Variants in TENM1 observed in about 807,000 individuals in gnomAD.
TENM1 encodes the protein teneurin transmembrane protein 1.
A neutral mutation model predicts 174.8 loss-of-function variants in TENM1; 35 were observed. The ratio of observed to expected loss-of-function variants is 0.20; its 90% CI spans 0.15 to 0.27. TENM1 has a LOEUF of 0.27. TENM1 is among the 10% of genes least tolerant of loss of function. TENM1 has a pLI of 1.00. For synonymous variants in TENM1, 781 were observed against 798.7 expected, an observed-to-expected ratio of 0.98 and a Z score of 0.37; for missense variants, 1,633 against 2,130.1, an observed-to-expected ratio of 0.77 and a Z score of 4.59.
chrX:125,155,912 T>G, the TENM1 span, among the ~76,000 whole-genome samples: 4 of 112,314 alleles, frequency 3.6e-5, no homozygotes, highest in Non-Finnish European at 7.5e-5. Context: ...GCCCCCACAG[T>G]GCAGCGGCGG....
chrX:124,926,871 T>C (rs1399961106), intron 1 of TENM1, among the ~76,000 whole-genome samples: 1 of 112,233 alleles, frequency 8.9e-6, no homozygotes, highest in Non-Finnish European at 1.9e-5. Flanking sequence ...CTTGGGATTA[T>C]AGAAAATACA....
chrX:124,423,898 A>G (rs2060682184), intron 23 of TENM1, among the ~76,000 whole-genome samples: 1 of 111,675 alleles, frequency 9.0e-6, no homozygotes, highest in African/African-American at 3.3e-5. Context: ...AGGGCCTTCA[A>G]AGAGGTAGTT....
At chrX:124,569,444 A>C (rs751626371) in intron 11 of TENM1, among the ~76,000 whole-genome samples, 2 of 112,053 alleles carry the variant, frequency 1.8e-5, no homozygotes, top group Non-Finnish European at 3.8e-5. Flanking sequence ...ATAAATGACT[A>C]CAAAATACAC....
chrX:124,705,652 T>A lies in TENM1; in HGVS notation c.777-401A>T, dbSNP rs181282316. Among the ~76,000 whole-genome samples the A allele has an allele frequency of 2.7e-4, 30 of 111,726 alleles. 1 individual carries two copies. The highest frequency in any genetic ancestry group is 2.5e-3 in the Admixed American group (26 of 10,525). On this transcript the variant is annotated intron_variant, in intron 4 of 31. Coordinates refer to ENST00000422452, the Ensembl canonical transcript of TENM1. Reference sequence around the variant, plus strand: ...GCCTAGACACCAGTGTTTGAGATTATCCTCACTACCAAACTTTAGAGACTA... The same window carrying A: ...GCCTAGACACCAGTGTTTGAGATTAACCTCACTACCAAACTTTAGAGACTA...
intron 3 of TENM1, among the ~76,000 whole-genome samples, chrX:124,802,505 TG>T (rs1450642679): frequency 9.0e-6 from 1 of 111,137 alleles, no homozygotes; most frequent in Non-Finnish European, 1.9e-5. Flanking sequence ...TCTCTGACCT[TG>T]GGGGGCACCA....
At chrX:124,407,044 T>C (rs1373789145) in intron 25 of TENM1, among the ~76,000 whole-genome samples, 2 of 111,947 alleles carry the variant, frequency 1.8e-5, no homozygotes, top group East Asian at 5.6e-4. Flanking sequence ...ACATGTTCAT[T>C]AAAACATTCT....
intron 3 of TENM1, among the ~76,000 whole-genome samples, chrX:124,797,881 G>C (rs751946142): frequency 1.0e-4 from 11 of 110,128 alleles, no homozygotes; most frequent in Non-Finnish European, 1.9e-4. Context: ...GGTGTGTGTT[G>C]TTTCCCTCCC....
chrX:124,515,575 G>A, intron 18 of TENM1, among the ~76,000 whole-genome samples: 1 of 110,259 alleles, frequency 9.1e-6, no homozygotes, highest in African/African-American at 3.3e-5. Context: ...GCCAAATCAG[G>A]AACACACTTC....
chrX:124,703,982 ATTTAC>A (rs1025225979), intron 5 of TENM1, among the ~76,000 whole-genome samples: 2 of 112,319 alleles, frequency 1.8e-5, no homozygotes, highest in Admixed American at 1.9e-4. Flanking sequence ...ATAGCCGTTT[ATTTAC>A]TTACCATCCA....
the TENM1 span, among the ~76,000 whole-genome samples, chrX:124,971,767 TA>T: frequency 8.9e-6 from 1 of 112,142 alleles, no homozygotes; most frequent in African/African-American, 3.2e-5. Flanking sequence ...CTTTGAGTAT[TA>T]TTTTTAATGT....
At chrX:124,622,824 C>T (rs182549303) in intron 11 of TENM1, among the ~76,000 whole-genome samples, 161 of 111,483 alleles carry the variant, frequency 1.4e-3, no homozygotes, top group Non-Finnish European at 2.8e-3. Flanking sequence ...AGTGCACATA[C>T]CAATTTACAA....
At chrX:125,101,794 T>C in the TENM1 span, among the ~76,000 whole-genome samples, 18 of 112,084 alleles carry the variant, frequency 1.6e-4, no homozygotes, top group Middle Eastern at 4.6e-3. Flanking sequence ...CTAGAATCTT[T>C]TATGTCACAA....
intron 14 of TENM1, among the ~76,000 whole-genome samples, chrX:124,554,118 A>T (rs1174757069): frequency 2.7e-5 from 3 of 111,610 alleles, no homozygotes; most frequent in Non-Finnish European, 3.8e-5. Context: ...TCCCCCCCAA[A>T]AAATGAACAT....
chrX:124,849,513 G>T (rs970929203), intron 3 of TENM1, among the ~76,000 whole-genome samples: 22 of 103,021 alleles, frequency 2.1e-4, no homozygotes, highest in Non-Finnish European at 3.0e-4. Context: ...AAAAACTGGA[G>T]AACAGTCTCT....
Position 124,870,935 on chromosome X carries a change from T to C in TENM1, c.535+23361A>G, listed in dbSNP as rs1198755811. ...TTCAATACATGCATATTTTATATAA[T>C]GATCAAATCAGGATAGTTGGCATGT... On this transcript the variant is annotated intron_variant, in intron 3 of 31. Coordinates refer to ENST00000422452, the Ensembl canonical transcript of TENM1. Among the ~76,000 whole-genome samples the C allele has an allele frequency of 2.7e-5, 3 of 111,963 alleles. No homozygotes were observed. In the Admixed American group the frequency reaches 2.8e-4, roughly 11 times the overall value.
chrX:124,861,093 T>C (rs1464196854), intron 3 of TENM1, among the ~76,000 whole-genome samples: 1 of 112,167 alleles, frequency 8.9e-6, no homozygotes, highest in Non-Finnish European at 1.9e-5. Context: ...ATGCAAGTTA[T>C]ACAAATGAGC....
chrX:124,491,805 T>A (rs915500545), intron 20 of TENM1, among the ~76,000 whole-genome samples: 1 of 111,582 alleles, frequency 9.0e-6, no homozygotes, highest in Non-Finnish European at 1.9e-5. Flanking sequence ...GCAGAAAATA[T>A]CTACAGTCCT....
chrX:124,863,592 A>C (rs1430488740), intron 3 of TENM1, among the ~76,000 whole-genome samples: 1 of 112,104 alleles, frequency 8.9e-6, no homozygotes, highest in Non-Finnish European at 1.9e-5. Flanking sequence ...GTACCAGCTC[A>C]GCTACAATAC....
At chrX:124,414,835 T>C (rs1343240628) in intron 25 of TENM1, among the ~76,000 whole-genome samples, 1 of 111,653 alleles carries the variant, frequency 9.0e-6, no homozygotes, top group Non-Finnish European at 1.9e-5. Context: ...TGGCCTACCT[T>C]TACACTGCAG....
Sources: allele counts gnomAD v4.1 joint callset (sites outside exome capture counted in the v4.1 genomes callset), GRCh38; gene constraint gnomAD v4.1.1; transcripts MANE v1.5; gene names NCBI Gene and HGNC (gene_info 2026-07-23, HGNC 2026-07-21).